The following ATP9A variants were observed in gnomAD, a reference collection of about 807,000 sequenced individuals.
ATP9A encodes the protein probable phospholipid-transporting ATPase IIA.
A neutral mutation model predicts 144.1 loss-of-function variants in ATP9A; 52 were observed. That is an observed-to-expected ratio of 0.36 (90% CI 0.29 to 0.45). ATP9A has a LOEUF of 0.45. Ranked by LOEUF, ATP9A falls within the 20% of genes least tolerant of loss-of-function variation. The pLI, the probability that ATP9A is intolerant of heterozygous loss-of-function variation, is 1.00. For synonymous variants in ATP9A, 582 were observed against 557.4 expected, an observed-to-expected ratio of 1.04 and a Z score of -0.62; for missense variants, 947 against 1,392.7, an observed-to-expected ratio of 0.68 and a Z score of 5.09.
chr20:51,610,211 T>C, intron 23 of ATP9A, 46 bp from the exon 24 acceptor site: 9 of 1,464,830 alleles, frequency 6.1e-6, no homozygotes, highest in Non-Finnish European at 7.6e-6. Flanking sequence ...CATGACAAAA[T>C]CCCTTACATT....
chr20:51,651,333 CATAATATATTATATAAT>C (rs2077365173), intron 14 of ATP9A, among the ~76,000 whole-genome samples: 1 of 133,982 alleles, frequency 7.5e-6, no homozygotes, highest in African/African-American at 2.8e-5. Context: ...TATATATTTA[CATAATATATTATATAAT>C]ATATATTTAC....
At chr20:51,721,411 G>A (rs1181766161) in intron 3 of ATP9A, among the ~76,000 whole-genome samples, 2 of 152,186 alleles carry the variant, frequency 1.3e-5, no homozygotes, top group Non-Finnish European at 2.9e-5. Flanking sequence ...CCTGAGCCCA[G>A]GAGTTGGAGA....
Position 51,646,489 on chromosome 20 carries a change from C to T in ATP9A, c.1507-6985G>A, listed in dbSNP as rs531331216. On this transcript the variant is annotated intron_variant, in intron 14 of 27. Coordinates refer to ENST00000338821, the MANE Select transcript of ATP9A (RefSeq NM_006045.3). ...AATTATAAATCTATCCACAGACACA[C>T]GGTTTTCTTCACTCAATACGAAAAT... 7.2e-5 allele frequency among the ~76,000 whole-genome samples: 11 copies of T among 152,322 alleles called. No individual in the cohort carries two copies. In the South Asian group the frequency reaches 1.4e-3, roughly 20 times the overall value.
At chr20:51,691,663 G>T (rs1369658205) in intron 7 of ATP9A, among the ~76,000 whole-genome samples, 1 of 152,228 alleles carries the variant, frequency 6.6e-6, no homozygotes, top group Non-Finnish European at 1.5e-5. Context: ...ACGCAAGATG[G>T]TGCAGCAGCT....
chr20:51,639,291 C>A, intron 15 of ATP9A, 52 bp downstream of exon 15: 1 of 1,545,550 alleles, frequency 6.5e-7, no homozygotes, highest in Non-Finnish European at 8.8e-7. Context: ...GGGACACACG[C>A]AGCACACCTG....
intron 1 of ATP9A, among the ~76,000 whole-genome samples, chr20:51,745,406 G>A (rs2077803787): frequency 6.7e-6 from 1 of 148,686 alleles, no homozygotes; most frequent in Non-Finnish European, 1.5e-5. Context: ...CTGCACTCCA[G>A]CCAGAGTGAG....
chr20:51,618,572 A>T (rs2077212852), intron 21 of ATP9A, 90 bp downstream of exon 21: 2 of 1,485,532 alleles, frequency 1.3e-6, no homozygotes, highest in Non-Finnish European at 1.8e-6. Flanking sequence ...GAATTTGAAG[A>T]AAGAGCAGCA....
In ATP9A at chr20:51,765,642, C is replaced by CAAAA. The variant is rs1164927794; in HGVS notation, c.68+2656_68+2659dup. On this transcript the variant is annotated intron_variant, in intron 1 of 27. Coordinates refer to ENST00000338821, the MANE Select transcript of ATP9A (RefSeq NM_006045.3). ...TGGCAACAAGAGTGAAGCTACATCT[C>CAAAA]AAAAAAAAAAAACAGAATTAGATTA... Among the ~76,000 whole-genome samples, 8 of 110,548 alleles carry CAAAA rather than the reference C, an allele frequency of 7.2e-5. 1 individual carries two copies. The highest frequency in any genetic ancestry group is 2.4e-4 in the East Asian group (1 of 4,136). 72.5% of individuals were successfully genotyped at this position (110,548 alleles called of 152,430 possible). A position where few individuals can be genotyped will look rare whatever the true frequency, so the allele number is the denominator to read the frequency against.
At chr20:51,676,620 A>G (rs1312256537) in intron 9 of ATP9A, among the ~76,000 whole-genome samples, 1 of 152,178 alleles carries the variant, frequency 6.6e-6, no homozygotes, top group African/African-American at 2.4e-5. Flanking sequence ...CTTGGATTAC[A>G]GGCACCTGCC....
chr20:51,668,675 C>A (rs533996804), intron 13 of ATP9A, among the ~76,000 whole-genome samples: 7 of 152,290 alleles, frequency 4.6e-5, no homozygotes, highest in African/African-American at 1.7e-4. Context: ...TAAAGTACAT[C>A]TTTGAAAAAG....
At chr20:51,753,392 A>C (rs2077841163) in intron 1 of ATP9A, among the ~76,000 whole-genome samples, 1 of 151,426 alleles carries the variant, frequency 6.6e-6, no homozygotes, top group Non-Finnish European at 1.5e-5. Context: ...CGGAGGTTGC[A>C]GTGAGCCGAA....
At chr20:51,651,549 C>CAA (rs2077366860) in intron 14 of ATP9A, among the ~76,000 whole-genome samples, 2 of 151,744 alleles carry the variant, frequency 1.3e-5, no homozygotes, top group Admixed American at 6.6e-5. Flanking sequence ...CGCCAGGTGG[C>CAA]AAGAATCACA....
chr20:51,708,533 G>A (rs1311303121), intron 4 of ATP9A, among the ~76,000 whole-genome samples: 4 of 151,926 alleles, frequency 2.6e-5, no homozygotes, highest in East Asian at 3.9e-4. Context: ...CTAGGAGCTC[G>A]AGACCAGCCT....
chr20:51,620,814 A>G (rs1009250508), intron 19 of ATP9A, among the ~76,000 whole-genome samples: 2 of 152,140 alleles, frequency 1.3e-5, no homozygotes, highest in African/African-American at 4.8e-5. Flanking sequence ...GAGCTTGTTC[A>G]GCCTCAGGTG....
chr20:51,705,540 C>A (rs2077611292), intron 4 of ATP9A, among the ~76,000 whole-genome samples: 1 of 152,196 alleles, frequency 6.6e-6, no homozygotes. Flanking sequence ...ATGTCCCCAG[C>A]AGGAAAGAAG....
chr20:51,715,357 G>C (rs2077657516), intron 3 of ATP9A, among the ~76,000 whole-genome samples: 1 of 152,198 alleles, frequency 6.6e-6, no homozygotes. Context: ...GACCACATAG[G>C]GAGTGAGAGA....
At chr20:51,608,665 G>A (rs1568782987) in intron 24 of ATP9A, 39 bp from the exon 25 acceptor site, 18 of 1,319,846 alleles carry the variant, frequency 1.4e-5, no homozygotes, top group African/African-American at 4.4e-5. Context: ...CCTGGCTGAC[G>A]CGATAGGAGC....
At chr20:51,689,606 C>T (rs544601598) in intron 8 of ATP9A, among the ~76,000 whole-genome samples, 22 of 150,806 alleles carry the variant, frequency 1.5e-4, no homozygotes, top group Non-Finnish European at 2.2e-4. Context: ...GGCGCGATCT[C>T]GGCCCACTGC....
At chr20:51,668,158 A>G (rs1601093177) in intron 13 of ATP9A, among the ~76,000 whole-genome samples, 1 of 32,284 alleles carries the variant, frequency 3.1e-5, no homozygotes, top group African/African-American at 7.8e-5. Context: ...TAAGGAAAGG[A>G]AGGGAAGAAA....
Sources: gnomAD v4.1 joint callset for allele counts (sites outside exome capture counted in the v4.1 genomes callset) on GRCh38, gnomAD v4.1.1 for gene constraint, MANE v1.5 for transcripts, NCBI Gene and HGNC (gene_info 2026-07-23, HGNC 2026-07-21) for gene names.